BRWD1: variants seen among roughly 807,000 people sequenced by gnomAD.
The protein encoded by BRWD1 is bromodomain and WD repeat domain containing 1, also known as bromodomain and WD repeat-containing protein 1.
BRWD1 carries 82 observed loss-of-function variants against 251.2 expected under a neutral mutation model. The ratio of observed to expected loss-of-function variants is 0.33; its 90% confidence interval spans 0.27 to 0.39. The LOEUF (loss-of-function observed/expected upper bound fraction) is 0.39. Among genes scored for constraint, BRWD1 ranks in the 10% least tolerant of loss-of-function variants. BRWD1 has a pLI of 1.00. For missense variants in BRWD1, 2,233 were observed against 2,711.6 expected, an observed-to-expected ratio of 0.82 and a Z score of 3.92; for synonymous variants, 918 against 902.8, an observed-to-expected ratio of 1.02 and a Z score of -0.30.
intron 29 of BRWD1, among the ~76,000 whole-genome samples, chr21:39,221,742 T>C (rs1211567899): frequency 2.0e-5 from 3 of 152,002 alleles, no homozygotes; most frequent in African/African-American, 7.2e-5. Flanking sequence ...TCAAGTCTAG[T>C]ATGGCCAACA....
intron 15 of BRWD1, 95 bp from the exon 16 acceptor site, chr21:39,265,114 C>A: frequency 7.7e-7 from 1 of 1,301,626 alleles, no homozygotes; most frequent in East Asian, 2.6e-5. Flanking sequence ...GACAATATAT[C>A]CCTTCTGAAA....
In BRWD1 at chr21:39,190,738, T is replaced by C. The variant is rs2031508443; in HGVS notation, c.*5521A>G. The C allele has an allele frequency of 1.0e-6, 1 of 985,322 alleles. No individual in the cohort carries two copies. The highest frequency in any genetic ancestry group is 6.1e-5 in the Admixed American group (1 of 16,268). 61.0% of individuals were successfully genotyped at this position (985,322 alleles called of 1,614,324 possible). On this transcript the variant is annotated 3_prime_UTR_variant, in exon 41 of 41. Transcript: ENST00000342449. ...AATGGCTGTAGAATAAAATGGTTTC[T>C]GTAACTTGCTGTGTTTTTAAACAGT...
chr21:39,274,438 T>C lies in BRWD1; in HGVS notation c.1180A>G (p.Ile394Val), dbSNP rs776561474. 6.2e-7 allele frequency: 1 copy of C among 1,613,952 alleles called. No homozygotes were observed. Among genetic ancestry groups the C allele is most frequent in the Non-Finnish European group, 8.5e-7 (1 of 1,179,970 alleles). The change falls in exon 13 of 41, where the codon ATT becomes GTT. Residue 394 changes from isoleucine to valine, a missense_variant. By Grantham distance (29) the Ile-to-Val change is conservative. This residue lies in a region of BRWD1 where 315 missense variants were observed against 421.8 expected (regional missense o/e 0.75). Transcript: ENST00000342449. ...CATTCTAACTGCTCAAATCTCCAAATCCGTGCTGTTCCATCTCTGCTACCA... is the reference window on the plus strand; with the variant it reads ...CATTCTAACTGCTCAAATCTCCAAACCCGTGCTGTTCCATCTCTGCTACCA... ...LSGSRDGTAR[I>V]WRFEQLEWRS...
chr21:39,220,616 T>C (rs2033137748), intron 29 of BRWD1, among the ~76,000 whole-genome samples: 1 of 152,128 alleles, frequency 6.6e-6, no homozygotes, highest in African/African-American at 2.4e-5. Flanking sequence ...GAAATACCCA[T>C]AATGAAGAGA....
chr21:39,270,941 G>A (rs1332370481), intron 13 of BRWD1, among the ~76,000 whole-genome samples: 1 of 152,150 alleles, frequency 6.6e-6, no homozygotes, highest in South Asian at 2.1e-4. Context: ...ACTCCTACAG[G>A]CCCCTTGGCA....
At chr21:39,248,641 CAAAAAAAAAAAAAAAAAAAAAAA>C (rs375430016) in intron 20 of BRWD1, among the ~76,000 whole-genome samples, 8 of 83,300 alleles carry the variant, frequency 9.6e-5, no homozygotes, top group East Asian at 8.0e-4. Context: ...CCCTATCTCC[CAAAAAAAAAAAAAAAAAAAAAAA>C]AAAAAAAAAA....
At position 39,313,245 on chromosome 21, in the gene BRWD1, G is replaced by A. The variant is rs1364834996; in HGVS notation, c.104C>T (p.Ala35Val). 6.5e-7 allele frequency: 1 copy of A among 1,545,116 alleles called. No individual in the cohort carries two copies. The highest frequency in any genetic ancestry group is 8.8e-7 in the Non-Finnish European group (1 of 1,140,868). Residue 35 changes from alanine (A) to valine (V), a missense_variant, in exon 2 of 41, where the codon GCC becomes GTC. Around this residue, in one of 12 missense-constraint regions of BRWD1, gnomAD observed 101 missense variants for 95.6 expected, o/e 1.06. Coordinates refer to ENST00000342449, the MANE Select transcript of BRWD1 (RefSeq NM_033656.4). ...YLSAGPCRRA[A>V]QVLVQELEQY... is the part of the protein sequence containing the mutation. ...CGCCCGCGGGCCCGCACTCACCTGG[G>A]CCGCTCTCCGACACGGGCCCGCCGA...
In BRWD1 at chr21:39,292,136, G is replaced by A. The variant is rs893295848; in HGVS notation, c.831+1675C>T. Reference sequence around the variant, plus strand: ...TTTGTGGGGGGTGGGTGGGGGTGGGGGGGGGGGTCTCACTAAGTTGCCCAG... The same window carrying A: ...TTTGTGGGGGGTGGGTGGGGGTGGGAGGGGGGGTCTCACTAAGTTGCCCAG... On this transcript the variant is annotated intron_variant, in intron 8 of 40. Transcript: ENST00000342449. Among the ~76,000 whole-genome samples the A allele has an allele frequency of 1.3e-4, 12 of 89,912 alleles. 1 individual carries two copies. The highest frequency in any genetic ancestry group is 2.4e-4 in the Non-Finnish European group (11 of 45,228). 59.0% of individuals were successfully genotyped at this position (89,912 alleles called of 152,430 possible).
In BRWD1 at chr21:39,185,544, G is replaced by T. The variant is rs1174295432; in HGVS notation, c.*10715C>A. On this transcript the variant is annotated 3_prime_UTR_variant, in exon 41 of 41. Coordinates refer to ENST00000342449, the MANE Select transcript of BRWD1 (RefSeq NM_033656.4). ...CTCACCTGTGTATCAACATATTGGG[G>T]ATCAGTAATTTAGATGAAAGTATAC... 1 of 150,970 alleles carries T rather than the reference G, an allele frequency of 6.6e-6. No individual in the cohort carries two copies. The highest frequency in any genetic ancestry group is 2.4e-5 in the African/African-American group (1 of 41,082). 9.4% of individuals were successfully genotyped at this position (150,970 alleles called of 1,614,324 possible). A position where few individuals can be genotyped will look rare whatever the true frequency, so the allele number is the denominator to read the frequency against.
In BRWD1 at chr21:39,190,051, C is replaced by T; in HGVS notation, c.*6208G>A. Reference sequence around the variant, plus strand: ...ACATCAGTAGTGTAAAACTGTACATCTGTAGTAGCACTCCATGATCATTTC... The same window carrying T: ...ACATCAGTAGTGTAAAACTGTACATTTGTAGTAGCACTCCATGATCATTTC... On this transcript the variant is annotated 3_prime_UTR_variant, in exon 41 of 41. Coordinates refer to ENST00000342449, the MANE Select transcript of BRWD1 (RefSeq NM_033656.4). The T allele has an allele frequency of 1.0e-6, 1 of 985,360 alleles. No individual in the cohort carries two copies. The highest frequency in any genetic ancestry group is 1.2e-6 in the Non-Finnish European group (1 of 829,900). The allele number at this position is 985,360 out of a possible 1,614,324, so 61.0% of individuals were successfully genotyped here.
intron 28 of BRWD1, 108 bp from the exon 29 acceptor site, chr21:39,224,577 G>C (rs906063192): frequency 3.0e-6 from 2 of 664,866 alleles, no homozygotes; most frequent in African/African-American, 1.8e-5. Flanking sequence ...CACTGCAGCA[G>C]TACAATTTTA....
intron 29 of BRWD1, among the ~76,000 whole-genome samples, chr21:39,223,937 C>T (rs1268132430): frequency 6.6e-6 from 1 of 152,158 alleles, no homozygotes; most frequent in African/African-American, 2.4e-5. Context: ...AAACCTCTGC[C>T]TCCCGGGTTC....
At chr21:39,285,878 A>AG (rs2035618483) in intron 8 of BRWD1, among the ~76,000 whole-genome samples, 1 of 150,694 alleles carries the variant, frequency 6.6e-6, no homozygotes, top group Admixed American at 6.6e-5. Flanking sequence ...CAACAAAAAA[A>AG]AAAAAAAAAA....
At chr21:39,237,485 G>T (rs1176687280) in intron 22 of BRWD1, among the ~76,000 whole-genome samples, 2 of 152,028 alleles carry the variant, frequency 1.3e-5, no homozygotes, top group African/African-American at 4.8e-5. Flanking sequence ...ACACCTTTTC[G>T]TCTCTATCAA....
intron 4 of BRWD1, among the ~76,000 whole-genome samples, chr21:39,312,143 A>G (rs902269096): frequency 3.9e-5 from 6 of 152,234 alleles, no homozygotes; most frequent in African/African-American, 1.4e-4. Flanking sequence ...AACATTAACC[A>G]AGTTCACAAA....
At chr21:39,258,359 CTAAT>C (rs781728035) in intron 18 of BRWD1, 124 bp downstream of exon 18, 225 of 800,088 alleles carry the variant, frequency 2.8e-4, no homozygotes, top group Non-Finnish European at 3.7e-4. Flanking sequence ...CTTCAGACTA[CTAAT>C]TAAGTTGTAA....
rs906904284 is a variant in BRWD1, at chr21:39,291,821, C to T, written c.831+1990G>A. Reference sequence around the variant, plus strand: ...CATCCCACACATGTAATAACGTTCACCTACCTGATGAGTTATGCACATTAC... The same window carrying T: ...CATCCCACACATGTAATAACGTTCATCTACCTGATGAGTTATGCACATTAC... On this transcript the variant is annotated intron_variant, in intron 8 of 40. Coordinates refer to ENST00000342449, the MANE Select transcript of BRWD1 (RefSeq NM_033656.4). Among the ~76,000 whole-genome samples, 6 of 152,358 alleles carry T rather than the reference C, an allele frequency of 3.9e-5. No homozygotes were observed. In the East Asian group the frequency reaches 1.2e-3, roughly 29 times the overall value.
chr21:39,198,835 A>C lies in BRWD1; in HGVS notation c.5581T>G (p.Ser1861Ala), dbSNP rs1568855676. 3 of 1,613,402 alleles carry C rather than the reference A, an allele frequency of 1.9e-6. No homozygotes were observed. Among genetic ancestry groups the C allele is most frequent in the Non-Finnish European group, 2.5e-6 (3 of 1,179,800 alleles). The change falls in exon 40 of 41, where the codon TCA becomes GCA. Residue 1861 changes from serine (S) to alanine (A), a missense_variant. Transcript: ENST00000342449. ...CDPIAMSQCS[S>A]DHGCETDLDS... ...AAATCAGTTTCACATCCATGATCTG[A>C]GGAACACTGGGACATAGCAATAGGG...
Position 39,313,531 on chromosome 21 carries a change from C to T in BRWD1, c.-40G>A, listed in dbSNP as rs1325733593. 7 of 1,326,726 alleles carry T rather than the reference C, an allele frequency of 5.3e-6. No homozygotes were observed. Among genetic ancestry groups the T allele is most frequent in the Non-Finnish European group, 5.7e-6 (6 of 1,045,104 alleles). The allele number at this position is 1,326,726 out of a possible 1,614,324, so 82.2% of individuals were successfully genotyped here. A position where few individuals can be genotyped will look rare whatever the true frequency, so the allele number is the denominator to read the frequency against. On this transcript the variant is annotated 5_prime_UTR_variant, in exon 1 of 41. Coordinates refer to ENST00000342449, the MANE Select transcript of BRWD1 (RefSeq NM_033656.4). ...CGGGAGGCGGGAGCGAGCGAGCGAG[C>T]GGAGCGTGTAGGCCGCGCCGAGGCC...
Sources: allele counts gnomAD v4.1 joint callset (sites outside exome capture counted in the v4.1 genomes callset), GRCh38; gene constraint gnomAD v4.1.1; regional missense constraint gnomAD v4.1.1; transcripts MANE v1.5; gene names NCBI Gene and HGNC (gene_info 2026-07-23, HGNC 2026-07-21).